TRAFD1: variants seen among roughly 807,000 people sequenced by gnomAD.
TRAFD1 encodes the protein TRAF-type zinc finger domain-containing protein 1.
TRAFD1 carries 38 observed loss-of-function variants against 65.3 expected under a neutral mutation model. That is an observed-to-expected ratio of 0.58 (90% confidence interval 0.45 to 0.76). TRAFD1 has a LOEUF of 0.76. Among genes scored for constraint, TRAFD1 ranks in the 30% least tolerant of loss-of-function variants. TRAFD1 has a pLI of 0.00. For missense variants in TRAFD1, 631 were observed against 712.6 expected, an observed-to-expected ratio of 0.89 and a Z score of 1.30; for synonymous variants, 223 against 257.2, an observed-to-expected ratio of 0.87 and a Z score of 1.27.
intron 1 of TRAFD1, among the ~76,000 whole-genome samples, chr12:112,128,677 A>T (rs929711505): frequency 3.3e-5 from 5 of 152,162 alleles, no homozygotes; most frequent in Admixed American, 1.3e-4. Context: ...TTCTTGCCAA[A>T]AATATATAAC....
intron 5 of TRAFD1, 81 bp from the exon 6 acceptor site, chr12:112,142,008 C>G: frequency 6.7e-7 from 1 of 1,493,352 alleles, no homozygotes; most frequent in Non-Finnish European, 9.2e-7. Flanking sequence ...TAAACCTTGA[C>G]TATTTGCTAG....
chr12:112,135,175 T>C, intron 4 of TRAFD1, 109 bp downstream of exon 4: 3 of 1,254,082 alleles, frequency 2.4e-6, no homozygotes, highest in Admixed American at 1.8e-5. Flanking sequence ...TGAGCTCACA[T>C]GCATACTGTT....
At chr12:112,143,224 C>T (rs1432031676) in intron 6 of TRAFD1, among the ~76,000 whole-genome samples, 3 of 152,168 alleles carry the variant, frequency 2.0e-5, no homozygotes, top group Non-Finnish European at 4.4e-5. Flanking sequence ...GGACTACAGG[C>T]GCCCACCACT....
intron 7 of TRAFD1, among the ~76,000 whole-genome samples, chr12:112,147,592 A>C (rs1566051220): frequency 2.0e-5 from 3 of 152,214 alleles, no homozygotes; most frequent in Admixed American, 6.5e-5. Context: ...AAAAACCATA[A>C]AAATATTTAA....
chr12:112,138,132 C>T (rs2029972467), intron 4 of TRAFD1, among the ~76,000 whole-genome samples: 1 of 152,058 alleles, frequency 6.6e-6, no homozygotes, highest in Non-Finnish European at 1.5e-5. Context: ...GTCCCAATTG[C>T]TCGAGGGGCT....
chr12:112,130,235 G>C lies in TRAFD1; in HGVS notation c.-12-276G>C, dbSNP rs184528014. Among the ~76,000 whole-genome samples, 1 of 151,806 alleles carries C rather than the reference G, an allele frequency of 6.6e-6. No individual in the cohort carries two copies. Among genetic ancestry groups the C allele is most frequent in the Admixed American group, 6.6e-5 (1 of 15,236 alleles). ...GATCCGCCTGCCTCGGCCTCCCAAA[G>C]TACTGAGATTACAGGCATGAGCCAC... is the stretch of plus-strand genomic sequence containing the variant. On this transcript the variant is annotated intron_variant, in intron 1 of 11. Transcript: ENST00000412615. The surrounding 1 kb of genome is among the most constrained non-coding windows in gnomAD (Gnocchi z 4.4).
rs1391136340 is a variant in TRAFD1 at position 112,152,775 on chromosome 12, A to C, written c.1733A>C (p.Glu578Ala). 1.3e-5 allele frequency: 21 copies of C among 1,614,182 alleles called. No homozygotes were observed. The highest frequency in any genetic ancestry group is 1.8e-5 in the Non-Finnish European group (21 of 1,180,036). Reference protein sequence around the residue: ...SKQQGAGDAEEEEEE With the variant: ...SKQQGAGDAEAEEEE Reference sequence around the variant, plus strand: ...CAACAGGGAGCTGGGGATGCAGAAGAGGAAGAGGAGGAGTAATGGTGTCTC... The same window carrying C: ...CAACAGGGAGCTGGGGATGCAGAAGCGGAAGAGGAGGAGTAATGGTGTCTC... The change falls in exon 12 of 12, where the codon GAG becomes GCG. Residue 578 changes from glutamate (E) to alanine (A), a missense_variant. Transcript: ENST00000412615. This position sits in a 1 kb window ranked among gnomAD's most constrained non-coding sequence, Gnocchi z 5.0.
chr12:112,148,871 G>T (rs2030326583), intron 8 of TRAFD1, among the ~76,000 whole-genome samples: 1 of 152,178 alleles, frequency 6.6e-6, no homozygotes, highest in Admixed American at 6.5e-5. Flanking sequence ...TGTAGTTGAT[G>T]CCATGTAGCT....
intron 7 of TRAFD1, 45 bp downstream of exon 7, chr12:112,145,707 G>A: frequency 6.4e-7 from 1 of 1,573,932 alleles, no homozygotes; most frequent in Non-Finnish European, 8.7e-7. Context: ...ATTGTATGCA[G>A]GCCATAATTG....
chr12:112,147,322 T>C (rs762434305), intron 7 of TRAFD1, among the ~76,000 whole-genome samples: 19 of 152,100 alleles, frequency 1.2e-4, no homozygotes, highest in Admixed American at 3.3e-4. Context: ...GTTCCCTCAA[T>C]ACTCTGATTT....
intron 1 of TRAFD1, among the ~76,000 whole-genome samples, chr12:112,128,898 G>A (rs1284079999): frequency 6.6e-6 from 1 of 151,786 alleles, no homozygotes. Context: ...AAAATTAGCT[G>A]GGCATGGTGG....
rs946807220 is a variant in TRAFD1 at position 112,137,614 on chromosome 12, T to A, written c.237+2548T>A. Reference sequence around the variant, plus strand: ...CGTCTCTACTAAAAATACATAAAATTAGCTGGGCGTGGTGGCGGGCGCCTA... The same window carrying A: ...CGTCTCTACTAAAAATACATAAAATAAGCTGGGCGTGGTGGCGGGCGCCTA... On this transcript the variant is annotated intron_variant, in intron 4 of 11. Coordinates refer to ENST00000412615, the MANE Select transcript of TRAFD1 (RefSeq NM_006700.3). The surrounding 1 kb of genome is among the most constrained non-coding windows in gnomAD (Gnocchi z 4.2). Among the ~76,000 whole-genome samples the A allele has an allele frequency of 1.3e-5, 2 of 151,944 alleles. No homozygotes were observed. The highest frequency in any genetic ancestry group is 4.8e-5 in the African/African-American group (2 of 41,380).
intron 7 of TRAFD1, among the ~76,000 whole-genome samples, chr12:112,147,855 G>A (rs528434125): frequency 6.6e-6 from 1 of 151,900 alleles, no homozygotes; most frequent in East Asian, 1.9e-4. Context: ...ATTTTTAGTA[G>A]AGATGGGGTT....
Position 112,134,796 on chromosome 12 carries a change from A to C in TRAFD1, c.106A>C (p.Ile36Leu). Residue 36 changes from isoleucine to leucine, a missense_variant, in exon 3 of 12, where the codon ATT becomes CTT. Physicochemically the swap from Ile to Leu is conservative, Grantham distance 5. Transcript: ENST00000412615. Reference protein sequence around the residue: ...TIHEIHCQRNIGMCPTCKEPF... With the variant: ...TIHEIHCQRNLGMCPTCKEPF... ...CCATGAGATCCACTGTCAAAGGAAC[A>C]TTGGTATGTGTCCTACCTGTAAGGA... 1 of 1,613,822 alleles carries C rather than the reference A, an allele frequency of 6.2e-7. No individual in the cohort carries two copies. Among genetic ancestry groups the C allele is most frequent in the Non-Finnish European group, 8.5e-7 (1 of 1,179,650 alleles).
chr12:112,126,524 C>G (rs1271232864), intron 1 of TRAFD1, among the ~76,000 whole-genome samples: 1 of 152,186 alleles, frequency 6.6e-6, no homozygotes, highest in South Asian at 2.1e-4. Flanking sequence ...CCCCAGTCTC[C>G]TTGCATCTAG....
chr12:112,142,719 T>C (rs1269359223), intron 6 of TRAFD1, among the ~76,000 whole-genome samples: 2 of 152,070 alleles, frequency 1.3e-5, no homozygotes, highest in Non-Finnish European at 2.9e-5. Context: ...GAGAGTGACA[T>C]CCGTATTGTT....
intron 4 of TRAFD1, among the ~76,000 whole-genome samples, chr12:112,136,947 G>A (rs1017307856): frequency 4.5e-4 from 68 of 152,348 alleles, no homozygotes; most frequent in African/African-American, 1.5e-3. Flanking sequence ...AAATCCAGCC[G>A]GGCGTGATGG....
chr12:112,135,820 C>G (rs2079596512), intron 4 of TRAFD1, among the ~76,000 whole-genome samples: 1 of 149,054 alleles, frequency 6.7e-6, no homozygotes. Context: ...TAAAACTGGC[C>G]AAAGGTTTTT....
intron 2 of TRAFD1, among the ~76,000 whole-genome samples, chr12:112,134,311 G>GTTTT (rs1197105787): frequency 8.1e-6 from 1 of 124,084 alleles, no homozygotes; most frequent in Non-Finnish European, 1.7e-5. Context: ...CGCCCGGCCA[G>GTTTT]TTTTTTTTTT....
Sources: gnomAD v4.1 joint callset for allele counts (sites outside exome capture counted in the v4.1 genomes callset) on GRCh38, gnomAD v4.1.1 for gene constraint, Gnocchi (gnomAD v3.1) non-coding constraint, MANE v1.5 for transcripts, NCBI Gene and HGNC (gene_info 2026-07-23, HGNC 2026-07-21) for gene names.